The following ZNF679 variants were observed in gnomAD, a reference collection of about 807,000 sequenced individuals.
ZNF679 encodes the protein zinc finger protein 679.
A neutral mutation model predicts 13.4 loss-of-function variants in ZNF679; 10 were observed. The ratio of observed to expected loss-of-function variants is 0.75; its 90% CI spans 0.46 to 1.27. The LOEUF is 1.27. Among genes scored for constraint, ZNF679 ranks in the 50% most tolerant of loss-of-function variants. The pLI, the probability that ZNF679 is intolerant of heterozygous loss-of-function variation, is 0.00. For synonymous variants in ZNF679, 179 were observed against 162.5 expected, an observed-to-expected ratio of 1.10 and a Z score of -0.77; for missense variants, 525 against 477.8, an observed-to-expected ratio of 1.10 and a Z score of -0.92.
chr7:64,265,938 G>C lies in ZNF679; in HGVS notation c.305G>C (p.Gly102Ala), dbSNP rs759035478. ...ACCCAAGACCTTCCGCCAGAGCTAGGCATAAAAGATTCACTCCAAAAAGTA... is the reference window on the plus strand; with the variant it reads ...ACCCAAGACCTTCCGCCAGAGCTAGCCATAAAAGATTCACTCCAAAAAGTA... ...HFTQDLPPEL[G>A]IKDSLQKVIP... is the part of the protein sequence containing the mutation. Residue 102 changes from glycine to alanine, a missense_variant, in exon 5 of 5, where the codon GGC becomes GCC. Gly to Ala is a moderately conservative substitution (Grantham distance 60). Transcript: ENST00000421025. 1 of 1,613,764 alleles carries C rather than the reference G, an allele frequency of 6.2e-7. No individual in the cohort carries two copies.
At chr7:64,231,937 C>T (rs1398103537) in intron 1 of ZNF679, among the ~76,000 whole-genome samples, 1 of 152,204 alleles carries the variant, frequency 6.6e-6, no homozygotes, top group Admixed American at 6.5e-5. Context: ...TGGGAGTCAA[C>T]GTCTCCTGTG....
At chr7:64,235,599 C>T (rs1787699089) in intron 1 of ZNF679, among the ~76,000 whole-genome samples, 1 of 151,666 alleles carries the variant, frequency 6.6e-6, no homozygotes, top group African/African-American at 2.4e-5. Context: ...GACCAGGTTG[C>T]CCAAAATGGT....
chr7:64,266,087 CA>C lies in ZNF679; in HGVS notation c.458del (p.Asn153ThrfsTer52). ...AGTTAACCAATGTTTGTCAACTACC[CA>C]AAACAAAATATTTCAGACTCATAAA... ...NEVNQCLSTTQNKIFQTHKCV... is the reference protein window; with the variant it reads ...NEVNQCLSTTXNKIFQTHKCV... On this transcript the variant is annotated frameshift_variant, in exon 5 of 5. Transcript: ENST00000421025. LOFTEE classifies it low-confidence loss of function (END_TRUNC). 1.9e-6 allele frequency: 3 copies of C among 1,612,720 alleles called. No individual in the cohort carries two copies. In the Admixed American group the frequency reaches 5.0e-5, roughly 27 times the overall value.
chr7:64,253,360 T>C (rs1400135647), intron 2 of ZNF679, among the ~76,000 whole-genome samples: 1 of 151,188 alleles, frequency 6.6e-6, no homozygotes, highest in East Asian at 1.9e-4. Flanking sequence ...CAAAAGGAGG[T>C]TAATGAAGGC....
intron 1 of ZNF679, among the ~76,000 whole-genome samples, chr7:64,238,873 T>C (rs996525868): frequency 1.3e-5 from 2 of 152,152 alleles, no homozygotes; most frequent in African/African-American, 4.8e-5. Context: ...GACATATACT[T>C]TGACCCAGCT....
intron 1 of ZNF679, among the ~76,000 whole-genome samples, chr7:64,237,663 C>A (rs570948668): frequency 5.3e-5 from 8 of 152,178 alleles, no homozygotes; most frequent in Non-Finnish European, 1.0e-4. Flanking sequence ...CAAGAGTCAT[C>A]ATGGACCCAA....
intron 4 of ZNF679, among the ~76,000 whole-genome samples, chr7:64,264,428 CAG>C (rs1032088006): frequency 3.3e-5 from 5 of 151,904 alleles, no homozygotes; most frequent in African/African-American, 1.2e-4. Context: ...AATAATACCA[CAG>C]ATTTTTATTT....
At chr7:64,248,999 C>G (rs779781972) in intron 1 of ZNF679, 29 bp from the exon 2 acceptor site, 5 of 1,458,114 alleles carry the variant, frequency 3.4e-6, no homozygotes, top group Non-Finnish European at 3.8e-6. Context: ...CCGTAATTTT[C>G]CGGGTCCTTT....
intron 4 of ZNF679, among the ~76,000 whole-genome samples, chr7:64,263,786 C>T (rs980019956): frequency 6.6e-6 from 1 of 152,148 alleles, no homozygotes; most frequent in African/African-American, 2.4e-5. Flanking sequence ...GCATATACAT[C>T]TTGTACAGTC....
At chr7:64,262,447 T>TTTCG (rs1788089150) in intron 4 of ZNF679, among the ~76,000 whole-genome samples, 2 of 152,216 alleles carry the variant, frequency 1.3e-5, no homozygotes, top group Admixed American at 1.3e-4. Context: ...TTTCTAAGAA[T>TTTCG]TTCGTTAGTT....
intron 1 of ZNF679, among the ~76,000 whole-genome samples, chr7:64,233,494 A>T (rs117852730): frequency 0.036 from 5,430 of 152,036 alleles, 172 homozygotes; most frequent in East Asian, 0.16. Context: ...CTGTCTCAAG[A>T]AAAACAAAAC....
intron 2 of ZNF679, among the ~76,000 whole-genome samples, chr7:64,249,912 G>A (rs894057025): frequency 6.6e-6 from 1 of 152,192 alleles, no homozygotes; most frequent in Non-Finnish European, 1.5e-5. Context: ...CACTATCTTG[G>A]CTCACTGCAA....
At chr7:64,236,556 G>T (rs1335961914) in intron 1 of ZNF679, among the ~76,000 whole-genome samples, 2 of 152,026 alleles carry the variant, frequency 1.3e-5, no homozygotes, top group Non-Finnish European at 2.9e-5. Flanking sequence ...AGGCTGAGGT[G>T]GGTGGATCAC....
At chr7:64,253,481 G>A (rs1266293835) in intron 2 of ZNF679, among the ~76,000 whole-genome samples, 1 of 152,176 alleles carries the variant, frequency 6.6e-6, no homozygotes, top group Non-Finnish European at 1.5e-5. Context: ...GAAAGCTGGG[G>A]ACCCACAGGC....
intron 1 of ZNF679, among the ~76,000 whole-genome samples, chr7:64,234,810 C>T (rs998304396): frequency 4.9e-4 from 74 of 152,234 alleles, no homozygotes; most frequent in African/African-American, 1.7e-3. Flanking sequence ...GTGACCTCAG[C>T]AGCACTTTCT....
At chr7:64,248,095 A>T (rs913383633) in intron 1 of ZNF679, among the ~76,000 whole-genome samples, 4 of 152,084 alleles carry the variant, frequency 2.6e-5, no homozygotes, top group African/African-American at 9.7e-5. Flanking sequence ...AATCATGACC[A>T]TGACAGAAGG....
chr7:64,241,442 G>T (rs1237984234), intron 1 of ZNF679, among the ~76,000 whole-genome samples: 2 of 152,178 alleles, frequency 1.3e-5, no homozygotes, highest in African/African-American at 2.4e-5. Context: ...AATTCAGGAG[G>T]GTCATATCAC....
Position 64,266,718 on chromosome 7 carries a change from C to A in ZNF679, c.1085C>A (p.Ala362Asp), listed in dbSNP as rs765859362. 6.2e-7 allele frequency: 1 copy of A among 1,612,186 alleles called. No individual in the cohort carries two copies. Reference protein sequence around the residue: ...YKCKECGKAFAFSSTLNTHKR... With the variant: ...YKCKECGKAFDFSSTLNTHKR... ...TGTAAAGAATGTGGGAAAGCCTTTG[C>A]CTTCTCCTCAACTCTTAATACTCAT... Residue 362 changes from alanine (A) to aspartate (D), a missense_variant, in exon 5 of 5, where the codon GCC becomes GAC. Ala to Asp is a moderately radical substitution (Grantham distance 126). Transcript: ENST00000421025.
At position 64,237,001 on chromosome 7, in the gene ZNF679, A is replaced by AAG. The variant is rs149813028; in HGVS notation, c.-91+8350_-91+8351insGA. Reference sequence around the variant, plus strand: ...AAAGAAAGAAAGAAAGAAAGAAAGAAAAAGAAAGAAAGAAAGAAAGAAACC... The same window carrying AAG: ...AAAGAAAGAAAGAAAGAAAGAAAGAAAGAAAGAAAGAAAGAAAGAAAGAAACC... On this transcript the variant is annotated intron_variant, in intron 1 of 4. Transcript: ENST00000421025. Among the ~76,000 whole-genome samples, 413 of 77,050 alleles carry AAG rather than the reference A, an allele frequency of 5.4e-3. 6 individuals carry two copies. The highest frequency in any genetic ancestry group is 6.7e-3 in the East Asian group (17 of 2,526). 50.5% of individuals were successfully genotyped at this position (77,050 alleles called of 152,430 possible).
Sources: allele counts gnomAD v4.1 joint callset (sites outside exome capture counted in the v4.1 genomes callset), GRCh38; gene constraint gnomAD v4.1.1; transcripts MANE v1.5; gene names NCBI Gene and HGNC (gene_info 2026-07-23, HGNC 2026-07-21).